The following CFAP61 variants were observed in gnomAD, a reference collection of about 807,000 sequenced individuals.
CFAP61 encodes cilia and flagella associated protein 61, also known as cilia- and flagella-associated protein 61.
A neutral mutation model predicts 135.6 loss-of-function variants in CFAP61; 107 were observed. That is an observed-to-expected ratio of 0.79 (90% confidence interval 0.67 to 0.93). The LOEUF (loss-of-function observed/expected upper bound fraction) is 0.93. Among genes scored for constraint, CFAP61 ranks in the 40% least tolerant of loss-of-function variants. The pLI, the probability that CFAP61 is intolerant of heterozygous loss-of-function variation, is 0.00. For synonymous variants in CFAP61, 575 were observed against 578.5 expected (o/e 0.99, Z 0.09); for missense variants, 1,507 against 1,556.2 (o/e 0.97, Z 0.53).
At chr20:20,338,307 G>A (rs1447487176) in intron 25 of CFAP61, among the ~76,000 whole-genome samples, 4 of 152,312 alleles carry the variant, frequency 2.6e-5, no homozygotes, top group South Asian at 4.1e-4. Flanking sequence ...CCTCCCTGGC[G>A]GCAGCTGCCT....
chr20:20,196,286 A>C, intron 15 of CFAP61, among the ~76,000 whole-genome samples: 1 of 152,114 alleles, frequency 6.6e-6, no homozygotes, highest in East Asian at 1.9e-4. Flanking sequence ...GGCCAATGGC[A>C]CAGACTCGGG....
chr20:20,160,373 A>G (rs2053293740), intron 10 of CFAP61, among the ~76,000 whole-genome samples: 1 of 152,148 alleles, frequency 6.6e-6, no homozygotes, highest in African/African-American at 2.4e-5. Context: ...CTGCCAGAGG[A>G]CCAGGTTCTC....
In CFAP61 at chr20:20,310,429, A is replaced by G. The variant is rs73287367; in HGVS notation, c.3422+12043A>G. 2.9e-3 allele frequency among the ~76,000 whole-genome samples: 441 copies of G among 152,340 alleles called. 3 individuals carry two copies. Among genetic ancestry groups the G allele is most frequent in the African/African-American group, 1.0e-2 (415 of 41,580 alleles). ...ATGCAAAGCCTGGCAAAGCAGACAC[A>G]CATGAACCAGGAAAGGGCAGGGCCA... On this transcript the variant is annotated intron_variant, in intron 25 of 26. Coordinates refer to ENST00000245957, the MANE Select transcript of CFAP61 (RefSeq NM_015585.4).
intron 1 of CFAP61, 105 bp downstream of exon 1, chr20:20,052,696 C>A (rs747537691): frequency 1.2e-6 from 2 of 1,612,070 alleles, no homozygotes; most frequent in Non-Finnish European, 1.7e-6. Context: ...CAGGCGAGGA[C>A]GAGTGGCTCT....
At chr20:20,078,287 A>G (rs996309918) in intron 6 of CFAP61, among the ~76,000 whole-genome samples, 10 of 152,222 alleles carry the variant, frequency 6.6e-5, no homozygotes, top group Non-Finnish European at 1.2e-4. Context: ...GGAGGAGTCC[A>G]TTCCATTGGT....
intron 8 of CFAP61, among the ~76,000 whole-genome samples, chr20:20,113,966 CAAAA>C (rs11456473): frequency 1.1e-5 from 1 of 94,572 alleles, no homozygotes; most frequent in African/African-American, 4.2e-5. Context: ...CATGAGAGCT[CAAAA>C]AAAAAAAAAA....
At chr20:20,355,800 A>G (rs2059104622) in intron 26 of CFAP61, among the ~76,000 whole-genome samples, 1 of 115,412 alleles carries the variant, frequency 8.7e-6, no homozygotes, top group African/African-American at 3.6e-5. Flanking sequence ...CACTGAGGGG[A>G]GGTAGTGACA....
At chr20:20,077,599 C>T (rs1261352489) in intron 6 of CFAP61, among the ~76,000 whole-genome samples, 1 of 152,220 alleles carries the variant, frequency 6.6e-6, no homozygotes, top group African/African-American at 2.4e-5. Context: ...GGTTGGGCTA[C>T]AGCTTGGTTT....
chr20:20,106,364 C>T (rs1401639845), intron 8 of CFAP61, among the ~76,000 whole-genome samples: 1 of 152,140 alleles, frequency 6.6e-6, no homozygotes. Context: ...TTTCTAATGT[C>T]TTCAAAAACA....
intron 26 of CFAP61, among the ~76,000 whole-genome samples, chr20:20,352,047 A>T (rs1331759207): frequency 6.6e-6 from 1 of 152,224 alleles, no homozygotes; most frequent in Non-Finnish European, 1.5e-5. Flanking sequence ...TCGCACTGTT[A>T]TAAAGAACTT....
intron 8 of CFAP61, among the ~76,000 whole-genome samples, chr20:20,134,238 C>G (rs977487000): frequency 1.3e-5 from 2 of 152,170 alleles, no homozygotes; most frequent in Admixed American, 1.3e-4. Context: ...AGTAAAACTT[C>G]AAAGCAAATT....
At chr20:20,094,026 A>G (rs1296156305) in intron 7 of CFAP61, among the ~76,000 whole-genome samples, 2 of 152,184 alleles carry the variant, frequency 1.3e-5, no homozygotes, top group East Asian at 1.9e-4. Context: ...GGTGCAGTCC[A>G]GGTGGTGAAA....
intron 9 of CFAP61, among the ~76,000 whole-genome samples, chr20:20,148,321 G>A (rs2052081338): frequency 6.6e-6 from 1 of 152,104 alleles, no homozygotes; most frequent in Non-Finnish European, 1.5e-5. Context: ...GAATTGCATT[G>A]AATCTGTAGA....
chr20:20,214,649 A>C (rs149897288), intron 17 of CFAP61, among the ~76,000 whole-genome samples: 1 of 152,356 alleles, frequency 6.6e-6, no homozygotes, highest in African/African-American at 2.4e-5. Flanking sequence ...CAAAACCTTG[A>C]ATTTCAACCC....
At chr20:20,302,456 G>A (rs535637432) in intron 25 of CFAP61, among the ~76,000 whole-genome samples, 22 of 152,278 alleles carry the variant, frequency 1.4e-4, no homozygotes, top group African/African-American at 5.1e-4. Context: ...AAAATTGGGA[G>A]TTCAGGACCA....
intron 25 of CFAP61, among the ~76,000 whole-genome samples, chr20:20,340,669 C>A (rs1298664208): frequency 6.6e-6 from 1 of 152,110 alleles, no homozygotes; most frequent in Non-Finnish European, 1.5e-5. Context: ...GGCGGTTCCG[C>A]CACCAGACGG....
At chr20:20,329,925 G>A (rs138779724) in intron 25 of CFAP61, among the ~76,000 whole-genome samples, 4 of 152,340 alleles carry the variant, frequency 2.6e-5, no homozygotes, top group Non-Finnish European at 4.4e-5. Flanking sequence ...GTATTGTACC[G>A]TATTGTGGTT....
intron 25 of CFAP61, among the ~76,000 whole-genome samples, chr20:20,321,621 T>G (rs554642192): frequency 2.4e-4 from 36 of 152,298 alleles, no homozygotes; most frequent in African/African-American, 8.2e-4. Flanking sequence ...AGTGGCTGCT[T>G]CTTTCTCTTG....
chr20:20,054,618 A>G (rs910948536), intron 1 of CFAP61, among the ~76,000 whole-genome samples: 3 of 152,218 alleles, frequency 2.0e-5, no homozygotes, highest in Non-Finnish European at 4.4e-5. Flanking sequence ...CTGTGCTACA[A>G]TGGCAGAGTT....
Sources: gnomAD v4.1 joint callset for allele counts (sites outside exome capture counted in the v4.1 genomes callset) on GRCh38, gnomAD v4.1.1 for gene constraint, MANE v1.5 for transcripts, NCBI Gene and HGNC (gene_info 2026-07-23, HGNC 2026-07-21) for gene names.